The following FAT3 variants were observed in gnomAD, a reference collection of about 807,000 sequenced individuals.
FAT3 encodes FAT atypical cadherin 3.
Under a neutral mutation model 310.2 loss-of-function variants are expected in FAT3, and 95 were observed. That is an observed-to-expected ratio of 0.31 (90% confidence interval 0.26 to 0.36). FAT3 has a LOEUF of 0.36. Ranked by LOEUF, FAT3 falls within the 10% of genes least tolerant of loss-of-function variation. The probability of loss-of-function intolerance (pLI) is 1.00; values close to 1 mark genes in which losing one functional copy is unlikely to be tolerated. For synonymous variants in FAT3, 2,314 were observed against 2,192.9 expected (o/e 1.06, Z -1.54); for missense variants, 5,408 against 5,715.6 (o/e 0.95, Z 1.74).
chr11:92,677,606 G>A (rs1283674567), intron 3 of FAT3, among the ~76,000 whole-genome samples: 1 of 152,196 alleles, frequency 6.6e-6, no homozygotes, highest in African/African-American at 2.4e-5. Context: ...AGGATGGAAA[G>A]TCCAAGGTCA....
At chr11:92,474,315 G>T (rs1009350340) in intron 2 of FAT3, among the ~76,000 whole-genome samples, 1 of 152,144 alleles carries the variant, frequency 6.6e-6, no homozygotes, top group Admixed American at 6.6e-5. Flanking sequence ...TACATTAGAG[G>T]TGATATACAA....
intron 2 of FAT3, among the ~76,000 whole-genome samples, chr11:92,438,909 A>G (rs1951007682): frequency 6.6e-6 from 1 of 152,234 alleles, no homozygotes; most frequent in Non-Finnish European, 1.5e-5. Flanking sequence ...TTGTAGTACC[A>G]TGAAAGGTTT....
chr11:92,819,022 T>A (rs1199002527), intron 13 of FAT3, among the ~76,000 whole-genome samples: 1 of 152,246 alleles, frequency 6.6e-6, no homozygotes, highest in African/African-American at 2.4e-5. Flanking sequence ...CTGCGCCAAG[T>A]GCCTTAGATA....
At chr11:92,585,371 T>C (rs1018811224) in intron 3 of FAT3, among the ~76,000 whole-genome samples, 9 of 152,150 alleles carry the variant, frequency 5.9e-5, no homozygotes, top group African/African-American at 1.7e-4. Flanking sequence ...CACTAGTGTG[T>C]TGGCCTGGAT....
At chr11:92,694,101 TTTAA>T (rs1458386464) in intron 3 of FAT3, among the ~76,000 whole-genome samples, 1 of 152,220 alleles carries the variant, frequency 6.6e-6, no homozygotes, top group Admixed American at 6.5e-5. Flanking sequence ...AAGGATACAA[TTTAA>T]TTGTTTTCAG....
chr11:92,281,886 A>G (rs568964509), intron 1 of FAT3, among the ~76,000 whole-genome samples: 2 of 151,732 alleles, frequency 1.3e-5, no homozygotes, highest in Admixed American at 1.3e-4. Flanking sequence ...CATCCCCACC[A>G]TCTGACTTGT....
intron 6 of FAT3, among the ~76,000 whole-genome samples, chr11:92,771,317 G>A (rs1946450201): frequency 6.6e-6 from 1 of 152,140 alleles, no homozygotes; most frequent in African/African-American, 2.4e-5. Context: ...TTTGGACGTG[G>A]TTTCCTATGA....
At chr11:92,822,569 C>T (rs181104768) in intron 13 of FAT3, among the ~76,000 whole-genome samples, 5 of 152,166 alleles carry the variant, frequency 3.3e-5, no homozygotes, top group African/African-American at 9.6e-5. Flanking sequence ...TGTGAGGCCT[C>T]CTTGACAGGC....
At chr11:92,693,373 C>T (rs1247987211) in intron 3 of FAT3, among the ~76,000 whole-genome samples, 1 of 152,194 alleles carries the variant, frequency 6.6e-6, no homozygotes, top group East Asian at 1.9e-4. Flanking sequence ...GTAATGCACA[C>T]ACCTCTCTCG....
At chr11:92,548,127 G>C (rs976960227) in intron 3 of FAT3, among the ~76,000 whole-genome samples, 2 of 152,212 alleles carry the variant, frequency 1.3e-5, no homozygotes, top group African/African-American at 4.8e-5. Flanking sequence ...ATGAGAAATA[G>C]AAGAATTACA....
chr11:92,561,291 T>TG (rs1955218217), intron 3 of FAT3, among the ~76,000 whole-genome samples: 2 of 114,220 alleles, frequency 1.8e-5, no homozygotes, highest in African/African-American at 3.1e-5. Context: ...GTGTGTGTGT[T>TG]TACCCAAAAT....
At chr11:92,532,700 A>G (rs941577546) in intron 3 of FAT3, among the ~76,000 whole-genome samples, 2 of 152,232 alleles carry the variant, frequency 1.3e-5, no homozygotes, top group African/African-American at 4.8e-5. Context: ...AGCCTTCTCC[A>G]GAAAACATCA....
In FAT3 at chr11:92,773,622, G is replaced by A. The variant is rs1031339692; in HGVS notation, c.4196-419G>A. Among the ~76,000 whole-genome samples the A allele has an allele frequency of 4.8e-4, 73 of 152,156 alleles. 4 individuals carry two copies. Among genetic ancestry groups the A allele is most frequent in the Non-Finnish European group, 2.1e-4 (14 of 68,006 alleles). On this transcript the variant is annotated intron_variant, in intron 6 of 27. Coordinates refer to ENST00000525166, the MANE Select transcript of FAT3 (RefSeq NM_001367949.2). ...ATCAATCCTGGAATAGATTTTAAATGTCTACTCATTCTATTAATAATAATT... is the reference window on the plus strand; with the variant it reads ...ATCAATCCTGGAATAGATTTTAAATATCTACTCATTCTATTAATAATAATT...
intron 4 of FAT3, among the ~76,000 whole-genome samples, chr11:92,740,726 A>G (rs1214540471): frequency 1.3e-5 from 2 of 152,156 alleles, no homozygotes; most frequent in Non-Finnish European, 2.9e-5. Flanking sequence ...AAGTACTTAA[A>G]AAGCATTTCA....
rs755382933 is a variant in FAT3 at position 92,798,528 on chromosome 11, C to G, written c.5515C>G (p.Leu1839Val). 47 of 1,613,692 alleles carry G rather than the reference C, an allele frequency of 2.9e-5. No individual in the cohort carries two copies. The highest frequency in any genetic ancestry group is 3.8e-5 in the Non-Finnish European group (45 of 1,179,828). The part of the protein sequence containing the change: ...STGAIRTIAN[L>V]DHETIAHFHF... ...AGGTGCAATCAGAACAATTGCCAAC[C>G]TGGACCATGAAACCATTGCCCATTT... The change falls in exon 10 of 28, where the codon CTG (leucine) becomes GTG (valine). Residue 1839 changes from leucine to valine, a missense_variant. Physicochemically the swap from Leu to Val is conservative, Grantham distance 32. Coordinates refer to ENST00000525166, the MANE Select transcript of FAT3 (RefSeq NM_001367949.2).
chr11:92,788,066 TG>T (rs1946941631), intron 7 of FAT3, among the ~76,000 whole-genome samples: 1 of 152,158 alleles, frequency 6.6e-6, no homozygotes. Flanking sequence ...CAGCGGATCA[TG>T]GTCTCTAAAT....
At chr11:92,384,662 A>C (rs921981102) in intron 2 of FAT3, among the ~76,000 whole-genome samples, 1 of 152,152 alleles carries the variant, frequency 6.6e-6, no homozygotes, top group Non-Finnish European at 1.5e-5. Flanking sequence ...GGCTCAGCTA[A>C]TGTGCTTCCT....
At chr11:92,658,270 A>C (rs1942650748) in intron 3 of FAT3, among the ~76,000 whole-genome samples, 1 of 152,218 alleles carries the variant, frequency 6.6e-6, no homozygotes, top group Admixed American at 6.5e-5. Flanking sequence ...ATATTTGAGA[A>C]GTGTCCAAAA....
At chr11:92,514,493 T>C (rs979665380) in intron 2 of FAT3, among the ~76,000 whole-genome samples, 1 of 152,184 alleles carries the variant, frequency 6.6e-6, no homozygotes, top group African/African-American at 2.4e-5. Flanking sequence ...ATGTGAGGGA[T>C]AGGATACATT....
Sources: gnomAD v4.1 joint callset for allele counts (sites outside exome capture counted in the v4.1 genomes callset) on GRCh38, gnomAD v4.1.1 for gene constraint, MANE v1.5 for transcripts, NCBI Gene and HGNC (gene_info 2026-07-23, HGNC 2026-07-21) for gene names.